Variants in FGF9 observed in about 807,000 individuals in gnomAD.
FGF9 encodes fibroblast growth factor 9 (glia-activating factor).
FGF9 carries 3 observed loss-of-function variants against 19.9 expected under a neutral mutation model. The observed-to-expected ratio is 0.15, with a 90% CI of 0.07 to 0.39. The LOEUF is 0.39. Ranked by LOEUF, FGF9 falls within the 10% of genes least tolerant of loss-of-function variation. The pLI is 1.00. For missense variants in FGF9, 175 were observed against 256.8 expected (o/e 0.68, Z 2.18); for synonymous variants, 107 against 106.9 (o/e 1.00, Z -0.01).
In FGF9 at chr13:21,671,299, CTTTTT is replaced by C. The variant is rs1871760549; in HGVS notation, c.-613_-609del. ...CTTTGGACGCCTAAAGTTTCTTCTTCTTTTTGTTTTATTATTATTATCATTTTTTG... is the reference window on the plus strand; with the variant it reads ...CTTTGGACGCCTAAAGTTTCTTCTTCGTTTTATTATTATTATCATTTTTTG... On this transcript the variant is annotated 5_prime_UTR_variant, in exon 1 of 3. Transcript: ENST00000382353. The C allele has an allele frequency of 2.9e-6, 1 of 348,478 alleles. No homozygotes were observed. The highest frequency in any genetic ancestry group is 4.2e-5 in the East Asian group (1 of 23,612). 21.6% of individuals were successfully genotyped at this position (348,478 alleles called of 1,614,324 possible).
rs61706549 is a variant in FGF9 at position 21,701,709 on chromosome 13, ATGTGTGTGTGTGTG to A, written c.*292_*305del. The A allele has an allele frequency of 2.8e-5, 10 of 357,826 alleles. No homozygotes were observed. Among genetic ancestry groups the A allele is most frequent in the East Asian group, 2.3e-4 (4 of 17,116 alleles). 22.2% of individuals were successfully genotyped at this position (357,826 alleles called of 1,614,324 possible). A position where few individuals can be genotyped will look rare whatever the true frequency, so the allele number is the denominator to read the frequency against. On this transcript the variant is annotated 3_prime_UTR_variant, in exon 3 of 3. Transcript: ENST00000382353. ...GAGACTGAGCGCTAGGAGTGTGTGT[ATGTGTGTGTGTGTG>A]TGTGTGTGTGTGTGTGTATGTGTGT...
rs201876493 is a variant in FGF9, at chr13:21,701,324, G to C, written c.516G>C (p.Pro172=). 2.0e-5 allele frequency: 33 copies of C among 1,613,994 alleles called. No homozygotes were observed. Among genetic ancestry groups the C allele is most frequent in the Non-Finnish European group, 2.7e-5 (32 of 1,180,000 alleles). ...YYVALNKDGT[P]REGTRTKRHQ... ...TTGCATTAAATAAAGATGGGACCCC[G>C]AGAGAAGGGACTAGGACTAAACGGC... Residue 172 remains proline, a synonymous_variant, in exon 3 of 3, where the codon CCG becomes CCC. Transcript: ENST00000382353.
chr13:21,684,100 C>T (rs1396248538), intron 2 of FGF9, among the ~76,000 whole-genome samples: 1 of 152,352 alleles, frequency 6.6e-6, no homozygotes, highest in Non-Finnish European at 1.5e-5. Context: ...CCTTCTCCAC[C>T]TGAAGAAGCA....
At position 21,702,639 on chromosome 13, in the gene FGF9, G is replaced by A. The variant is rs555464634; in HGVS notation, c.*1204G>A. The A allele has an allele frequency of 6.6e-6, 1 of 152,014 alleles. No homozygotes were observed. The highest frequency in any genetic ancestry group is 1.9e-4 in the East Asian group (1 of 5,200). The allele number at this position is 152,014 out of a possible 1,614,324, so 9.4% of individuals were successfully genotyped here. A position where few individuals can be genotyped will look rare whatever the true frequency, so the allele number is the denominator to read the frequency against. On this transcript the variant is annotated 3_prime_UTR_variant, in exon 3 of 3. Coordinates refer to ENST00000382353, the MANE Select transcript of FGF9 (RefSeq NM_002010.3). ...AGCACAGACTATTTTTTTTAAAGACGTAAGAATCAGATTAACAGGATCATA... is the reference window on the plus strand; with the variant it reads ...AGCACAGACTATTTTTTTTAAAGACATAAGAATCAGATTAACAGGATCATA...
chr13:21,693,184 TGAG>T (rs1383646893), intron 2 of FGF9, among the ~76,000 whole-genome samples: 1 of 152,034 alleles, frequency 6.6e-6, no homozygotes, highest in East Asian at 1.9e-4. Context: ...ACCACAGTGT[TGAG>T]GAGGGGAAGG....
intron 2 of FGF9, among the ~76,000 whole-genome samples, chr13:21,697,808 CTTTT>C (rs1270795107): frequency 2.2e-5 from 3 of 138,124 alleles, no homozygotes; most frequent in Non-Finnish European, 3.1e-5. Context: ...ACATAGGACT[CTTTT>C]TTTTTTTTTT....
chr13:21,673,464 T>C (rs1167673211), intron 1 of FGF9, among the ~76,000 whole-genome samples: 1 of 152,132 alleles, frequency 6.6e-6, no homozygotes, highest in Non-Finnish European at 1.5e-5. Context: ...AGCCTAGTAG[T>C]GTGAAATTGC....
In FGF9 at chr13:21,671,158, TCGCGGCAGCCTGGGCGGC is replaced by T. The variant is rs1565946857; in HGVS notation, c.-754_-737del. On this transcript the variant is annotated 5_prime_UTR_variant, in exon 1 of 3. Transcript: ENST00000382353. ...CGCGAGCCGGCGCGGCAACACCTGTTCGCGGCAGCCTGGGCGGCACGCGAGCTCCCGGACGCGGCTCTC... is the reference window on the plus strand; with the variant it reads ...CGCGAGCCGGCGCGGCAACACCTGTTACGCGAGCTCCCGGACGCGGCTCTC... 6.6e-6 allele frequency among the ~76,000 whole-genome samples: 1 copy of T among 152,210 alleles called. No homozygotes were observed.
chr13:21,682,149 T>C (rs911664905), intron 2 of FGF9, among the ~76,000 whole-genome samples: 5 of 151,828 alleles, frequency 3.3e-5, no homozygotes, highest in African/African-American at 1.2e-4. Flanking sequence ...GCTGGGACTA[T>C]GGGTGTGCAT....
chr13:21,683,855 T>C (rs1872097254), intron 2 of FGF9, among the ~76,000 whole-genome samples: 1 of 152,250 alleles, frequency 6.6e-6, no homozygotes, highest in Non-Finnish European at 1.5e-5. Flanking sequence ...GGAGTGTCAC[T>C]TGTGCACAGA....
intron 1 of FGF9, among the ~76,000 whole-genome samples, chr13:21,676,588 G>T (rs142991387): frequency 5.3e-4 from 80 of 152,306 alleles, no homozygotes; most frequent in Admixed American, 1.4e-3. Context: ...CCCGGTGCAG[G>T]ATCTGAGATG....
chr13:21,690,821 TA>T (rs1178994479), intron 2 of FGF9, among the ~76,000 whole-genome samples: 1 of 152,222 alleles, frequency 6.6e-6, no homozygotes, highest in Non-Finnish European at 1.5e-5. Context: ...TTGTGCTTTT[TA>T]TTGGTGATTT....
chr13:21,671,542 G>T lies in FGF9; in HGVS notation c.-371G>T. On this transcript the variant is annotated 5_prime_UTR_variant, in exon 1 of 3. Coordinates refer to ENST00000382353, the MANE Select transcript of FGF9 (RefSeq NM_002010.3). ...GCATTTAAGTTGCTATGGTCATTCT[G>T]ATCTCAAACCAAATGGAGAAACTAC... The T allele has an allele frequency of 1.9e-6, 1 of 518,884 alleles. No individual in the cohort carries two copies. Among genetic ancestry groups the T allele is most frequent in the Non-Finnish European group, 3.4e-6 (1 of 296,988 alleles). The allele number at this position is 518,884 out of a possible 1,614,324, so 32.1% of individuals were successfully genotyped here.
chr13:21,684,395 G>C (rs559486412), intron 2 of FGF9, among the ~76,000 whole-genome samples: 2 of 151,936 alleles, frequency 1.3e-5, no homozygotes, highest in Admixed American at 1.3e-4. Flanking sequence ...CTCGATGAAC[G>C]CTCATTGGGT....
chr13:21,695,570 T>C (rs1156292874), intron 2 of FGF9, among the ~76,000 whole-genome samples: 7 of 152,176 alleles, frequency 4.6e-5, no homozygotes, highest in Admixed American at 1.3e-4. Flanking sequence ...ACTTCTCCCA[T>C]GAGAGGAGAG....
chr13:21,701,474 C>T lies in FGF9; in HGVS notation c.*39C>T, dbSNP rs1350263817. The T allele has an allele frequency of 6.2e-7, 1 of 1,613,688 alleles. No homozygotes were observed. The highest frequency in any genetic ancestry group is 8.5e-7 in the Non-Finnish European group (1 of 1,179,730). ...TTCACTTGAGCCCTTAAAAAAGTAA[C>T]CACTATAAAGGTTTCACGCGGTGGG... On this transcript the variant is annotated 3_prime_UTR_variant, in exon 3 of 3. Coordinates refer to ENST00000382353, the MANE Select transcript of FGF9 (RefSeq NM_002010.3).
chr13:21,694,320 G>T (rs938976680), intron 2 of FGF9, among the ~76,000 whole-genome samples: 2 of 151,904 alleles, frequency 1.3e-5, no homozygotes, highest in African/African-American at 4.8e-5. Flanking sequence ...TACAAATCAT[G>T]TGCTGAATTT....
At chr13:21,688,293 T>C (rs1872206883) in intron 2 of FGF9, among the ~76,000 whole-genome samples, 2 of 152,216 alleles carry the variant, frequency 1.3e-5, no homozygotes, top group African/African-American at 2.4e-5. Context: ...ACAAAGGAGA[T>C]GAATAGGTTC....
chr13:21,697,984 A>G (rs1464030620), intron 2 of FGF9, among the ~76,000 whole-genome samples: 1 of 151,828 alleles, frequency 6.6e-6, no homozygotes, highest in Non-Finnish European at 1.5e-5. Context: ...ATATTTTTGT[A>G]TTTTTAGTAG....
Sources: gnomAD v4.1 joint callset for allele counts (sites outside exome capture counted in the v4.1 genomes callset) on GRCh38, gnomAD v4.1.1 for gene constraint, MANE v1.5 for transcripts, NCBI Gene and HGNC (gene_info 2026-07-23, HGNC 2026-07-21) for gene names.